The following PKHD1 variants were observed in gnomAD, a reference collection of about 807,000 sequenced individuals.
PKHD1 encodes PKHD1 ciliary IPT domain containing fibrocystin/polyductin.
PKHD1 carries 291 observed loss-of-function variants against 412.0 expected under a neutral mutation model. The observed-to-expected ratio is 0.71, with a 90% CI of 0.64 to 0.78. The LOEUF (loss-of-function observed/expected upper bound fraction) is 0.78, where lower values mean the gene tolerates loss of function less well. Ranked by LOEUF, PKHD1 falls within the 30% of genes least tolerant of loss-of-function variation. PKHD1 has a pLI of 0.00. For missense variants in PKHD1, 4,825 were observed against 4,950.7 expected, an observed-to-expected ratio of 0.97 and a Z score of 0.76; for synonymous variants, 1,777 against 1,821.5, an observed-to-expected ratio of 0.98 and a Z score of 0.62.
intron 35 of PKHD1, among the ~76,000 whole-genome samples, chr6:51,961,115 G>T (rs912647977): frequency 6.6e-6 from 1 of 151,984 alleles, no homozygotes; most frequent in Admixed American, 6.6e-5. Flanking sequence ...CCACCTAGAA[G>T]GTCCTCTCAT....
At chr6:51,926,144 A>G (rs917333790) in intron 37 of PKHD1, among the ~76,000 whole-genome samples, 2 of 152,174 alleles carry the variant, frequency 1.3e-5, no homozygotes, top group African/African-American at 4.8e-5. Flanking sequence ...GGTGATGGGG[A>G]AATGTTGAAA....
At chr6:52,052,103 A>G (rs1055652028) in intron 21 of PKHD1, among the ~76,000 whole-genome samples, 3 of 152,204 alleles carry the variant, frequency 2.0e-5, no homozygotes, top group African/African-American at 7.2e-5. Context: ...AAAGACTGAA[A>G]AGTTGTACAT....
chr6:51,804,512 C>T (rs145917006), intron 52 of PKHD1, among the ~76,000 whole-genome samples: 1 of 146,970 alleles, frequency 6.8e-6, no homozygotes, highest in East Asian at 1.9e-4. Context: ...CCTGTCACTT[C>T]GCTATTGTGT....
intron 35 of PKHD1, among the ~76,000 whole-genome samples, chr6:52,009,799 C>G (rs1799576642): frequency 6.6e-6 from 1 of 152,012 alleles, no homozygotes; most frequent in African/African-American, 2.4e-5. Context: ...GAGGCTAGAC[C>G]GAATGACCCT....
Position 52,053,187 on chromosome 6 carries a change from G to A in PKHD1, c.2029C>T (p.Pro677Ser). Residue 677 changes from proline to serine, a missense_variant, in exon 21 of 67, where the codon CCT becomes TCT. By Grantham distance (74) the Pro-to-Ser change is moderately conservative. Transcript: ENST00000371117. ...CVRCFGDLQP[P>S]PANSPVLVHQ... ...ACCAGCACTGGGGAGTTTGCCGGAG[G>A]GGGCTGGAGATCCCCGAAGCAACGC... is the stretch of plus-strand genomic sequence containing the variant. 1.2e-6 allele frequency: 2 copies of A among 1,614,194 alleles called. No homozygotes were observed. Among genetic ancestry groups the A allele is most frequent in the Non-Finnish European group, 1.7e-6 (2 of 1,180,030 alleles).
intron 63 of PKHD1, among the ~76,000 whole-genome samples, chr6:51,647,813 G>A (rs962295568): frequency 6.6e-6 from 1 of 152,162 alleles, no homozygotes; most frequent in Non-Finnish European, 1.5e-5. Flanking sequence ...TTGTGAAAGG[G>A]AAGGGAGAGA....
chr6:51,832,915 C>T (rs747326910), intron 51 of PKHD1, among the ~76,000 whole-genome samples: 1 of 152,058 alleles, frequency 6.6e-6, no homozygotes, highest in East Asian at 1.9e-4. Flanking sequence ...TACCACACAC[C>T]TTGGGAATAA....
chr6:51,798,069 T>C (rs1404148603), intron 52 of PKHD1, among the ~76,000 whole-genome samples: 3 of 152,166 alleles, frequency 2.0e-5, no homozygotes, highest in Non-Finnish European at 2.9e-5. Context: ...GAAGCTTAGT[T>C]TGTCCAGATA....
intron 53 of PKHD1, among the ~76,000 whole-genome samples, chr6:51,788,228 T>C (rs2148452): frequency 0.59 from 88,935 of 151,800 alleles, 26,812 homozygotes; most frequent in East Asian, 0.83. Context: ...GCAGGACTAA[T>C]GGCATGACCT....
chr6:51,868,717 A>G (rs550329966), intron 47 of PKHD1, among the ~76,000 whole-genome samples: 125 of 152,246 alleles, frequency 8.2e-4, no homozygotes, highest in Non-Finnish European at 1.5e-3. Context: ...AATACCTCTT[A>G]CTATAAGGTT....
intron 48 of PKHD1, among the ~76,000 whole-genome samples, chr6:51,866,593 A>C (rs1775097198): frequency 6.6e-6 from 1 of 152,162 alleles, no homozygotes; most frequent in South Asian, 2.1e-4. Context: ...GTAGATCTCA[A>C]AGTAAAGCAT....
intron 60 of PKHD1, among the ~76,000 whole-genome samples, chr6:51,714,398 C>T (rs533289712): frequency 9.9e-5 from 15 of 152,004 alleles, no homozygotes; most frequent in Non-Finnish European, 1.5e-4. Context: ...ACAGATGATT[C>T]TCATAACAGT....
At chr6:52,066,886 C>T (rs535457408) in intron 11 of PKHD1, among the ~76,000 whole-genome samples, 1 of 151,856 alleles carries the variant, frequency 6.6e-6, no homozygotes, top group Admixed American at 6.6e-5. Context: ...CGTGACAGAG[C>T]GAGACCCTGT....
chr6:51,763,474 C>T (rs1017040440), intron 55 of PKHD1, among the ~76,000 whole-genome samples: 2 of 152,100 alleles, frequency 1.3e-5, no homozygotes, highest in African/African-American at 4.8e-5. Context: ...ATGGTTCCTG[C>T]CAAATTCCAG....
At chr6:51,833,073 G>A (rs770741456) in intron 51 of PKHD1, among the ~76,000 whole-genome samples, 14 of 152,136 alleles carry the variant, frequency 9.2e-5, no homozygotes, top group Non-Finnish European at 1.3e-4. Flanking sequence ...GTAGAGTAAG[G>A]GGTATTTGTC....
At chr6:51,634,991 A>G (rs1768346987) in intron 64 of PKHD1, among the ~76,000 whole-genome samples, 1 of 152,146 alleles carries the variant, frequency 6.6e-6, no homozygotes, top group Non-Finnish European at 1.5e-5. Flanking sequence ...GAGTGGCACA[A>G]TTATAGCTCA....
In PKHD1 at chr6:51,912,253, A is replaced by G. The variant is rs1051034579; in HGVS notation, c.6332+113T>C. ...TTTTCTTGTCAAAATGTCTACCATT[A>G]TTTAAGCAGAAGAAATATATCATTG... On this transcript the variant is annotated intron_variant, in intron 38 of 66. Coordinates refer to ENST00000371117, the MANE Select transcript of PKHD1 (RefSeq NM_138694.4). 2.7e-5 allele frequency: 21 copies of G among 788,074 alleles called. No individual in the cohort carries two copies. The African/African-American group carries it at 3.6e-4, about 13-fold the overall frequency. The allele number at this position is 788,074 out of a possible 1,614,324, so 48.8% of individuals were successfully genotyped here.
Position 51,903,832 on chromosome 6 carries a change from C to CATATATATATATATAT in PKHD1, c.6866-121_6866-106dup, listed in dbSNP as rs66966800. 1,227 of 435,110 alleles carry CATATATATATATATAT rather than the reference C, an allele frequency of 2.8e-3. 38 individuals carry two copies. The African/African-American group carries it at 0.029, about 10-fold the overall frequency. The allele number at this position is 435,110 out of a possible 1,614,324, so 27.0% of individuals were successfully genotyped here. A position where few individuals can be genotyped will look rare whatever the true frequency, so the allele number is the denominator to read the frequency against. ...ACATCAGAGTTCACATAATGCATTT[C>CATATATATATATATAT]ATATATATATATATATATATATATA... On this transcript the variant is annotated intron_variant, in intron 42 of 66. Coordinates refer to ENST00000371117, the MANE Select transcript of PKHD1 (RefSeq NM_138694.4).
At position 51,666,720 on chromosome 6, in the gene PKHD1, G is replaced by A. The variant is rs1273400945; in HGVS notation, c.10157-6751C>T. On this transcript the variant is annotated intron_variant, in intron 60 of 66. Coordinates refer to ENST00000371117, the MANE Select transcript of PKHD1 (RefSeq NM_138694.4). ...TCCCCCCACCCCACAACAGTCCCCA[G>A]AGTGCGATGTTCCTCTTCCTGTGTC... is the stretch of plus-strand genomic sequence containing the variant. 1.2e-4 allele frequency among the ~76,000 whole-genome samples: 15 copies of A among 122,716 alleles called. No individual in the cohort carries two copies. In the Admixed American group the frequency reaches 1.5e-3, roughly 13 times the overall value. The allele number at this position is 122,716 out of a possible 152,430, so 80.5% of individuals were successfully genotyped here.
Sources: gnomAD v4.1 joint callset for allele counts (sites outside exome capture counted in the v4.1 genomes callset) on GRCh38, gnomAD v4.1.1 for gene constraint, MANE v1.5 for transcripts, NCBI Gene and HGNC (gene_info 2026-07-23, HGNC 2026-07-21) for gene names.